The following PHLDB1 variants were observed in gnomAD, a reference collection of about 807,000 sequenced individuals.
The protein encoded by PHLDB1 is pleckstrin homology-like domain family B member 1.
In PHLDB1, 65 loss-of-function variants were observed where a neutral mutation model predicts 139.3. The ratio of observed to expected loss-of-function variants is 0.47; its 90% CI spans 0.38 to 0.57. The LOEUF is 0.57. PHLDB1 is among the 20% of genes least tolerant of loss of function. The pLI is 0.00. For missense variants in PHLDB1, 1,624 were observed against 1,839.7 expected (o/e 0.88, Z 2.14); for synonymous variants, 679 against 734.5 (o/e 0.92, Z 1.22).
rs1201377176 is a variant in PHLDB1, at chr11:118,650,290, C to A, written c.3771+97C>A. 1 of 1,042,602 alleles carries A rather than the reference C, an allele frequency of 9.6e-7. No homozygotes were observed. The highest frequency in any genetic ancestry group is 1.5e-6 in the Non-Finnish European group (1 of 661,976). The allele number at this position is 1,042,602 out of a possible 1,614,324, so 64.6% of individuals were successfully genotyped here. A position where few individuals can be genotyped will look rare whatever the true frequency, so the allele number is the denominator to read the frequency against. Reference sequence around the variant, plus strand: ...GTTGGAATAGTGGCGTCAGTCTCTACCCTCACCTAACCAGATCTCTGTCCC... The same window carrying A: ...GTTGGAATAGTGGCGTCAGTCTCTAACCTCACCTAACCAGATCTCTGTCCC... On this transcript the variant is annotated intron_variant, in intron 19 of 22. Transcript: ENST00000600882. This position sits in a 1 kb window ranked among gnomAD's most constrained non-coding sequence, Gnocchi z 4.7.
In PHLDB1 at chr11:118,632,165, A is replaced by G; in HGVS notation, c.2248A>G (p.Met750Val). 6.2e-7 allele frequency: 1 copy of G among 1,614,022 alleles called. No individual in the cohort carries two copies. The highest frequency in any genetic ancestry group is 8.5e-7 in the Non-Finnish European group (1 of 1,179,928). ...CCCTGGTGTCTGCCCCCAGGCCGAA[A>G]TGGAGCGGGCACTGCTGCAGGGAGA... Reference protein sequence around the residue: ...QLQESAREAEMERALLQGERE... With the variant: ...QLQESAREAEVERALLQGERE... The change falls in exon 9 of 23, where the codon ATG becomes GTG. Residue 750 changes from methionine (M) to valine (V), a missense_variant. Transcript: ENST00000600882. This position sits in a 1 kb window ranked among gnomAD's most constrained non-coding sequence, Gnocchi z 5.9.
Position 118,616,180 on chromosome 11 carries a change from C to T in PHLDB1, c.324C>T (p.Leu108=). The T allele has an allele frequency of 1.2e-6, 2 of 1,614,110 alleles. No homozygotes were observed. The highest frequency in any genetic ancestry group is 1.7e-6 in the Non-Finnish European group (2 of 1,180,002). Residue 108 remains leucine (L), a synonymous_variant, in exon 4 of 23, where the codon CTC becomes CTT. Transcript: ENST00000600882. ...PCGNACTIDG[L]PVRQPTRLTQ... is the part of the protein sequence containing the mutation. ...GCAATGCCTGCACTATTGATGGGCTCCCTGTCCGGCAGCCTACCCGGCTCA... is the reference window on the plus strand; with the variant it reads ...GCAATGCCTGCACTATTGATGGGCTTCCTGTCCGGCAGCCTACCCGGCTCA...
In PHLDB1 at chr11:118,620,678, A is replaced by G. The variant is rs1555093986; in HGVS notation, c.356-4256A>G. ...CGGGCTGGCTCCCAGGGGCCCAGGA[A>G]GTGGGCTGGCCGGAAAGGGCAGTGC... On this transcript the variant is annotated intron_variant, in intron 4 of 22. Coordinates refer to ENST00000600882, the MANE Select transcript of PHLDB1 (RefSeq NM_001144758.3). The surrounding 1 kb of genome is among the most constrained non-coding windows in gnomAD (Gnocchi z 4.1). Among the ~76,000 whole-genome samples, 1 of 152,114 alleles carries G rather than the reference A, an allele frequency of 6.6e-6. No individual in the cohort carries two copies. The highest frequency in any genetic ancestry group is 1.9e-4 in the East Asian group (1 of 5,186).
rs201776369 is a variant in PHLDB1, at chr11:118,628,087, C to A, written c.1264C>A (p.Arg422Ser). The part of the protein sequence containing the change: ...SERVLTTSPS[R>S]QLVGRTFSDG... ...GCGGGTGCTAACAACCAGCCCCTCA[C>A]GCCAACTGGTGGGCCGAACATTTTC... The change falls in exon 6 of 23, where the codon CGC becomes AGC. Residue 422 changes from arginine to serine, a missense_variant. By Grantham distance (110) the Arg-to-Ser change is moderately radical. Coordinates refer to ENST00000600882, the MANE Select transcript of PHLDB1 (RefSeq NM_001144758.3). 6.2e-7 allele frequency: 1 copy of A among 1,613,994 alleles called. No individual in the cohort carries two copies. Among genetic ancestry groups the A allele is most frequent in the Non-Finnish European group, 8.5e-7 (1 of 1,180,004 alleles).
intron 10 of PHLDB1, among the ~76,000 whole-genome samples, chr11:118,638,571 G>A (rs1392525148): frequency 6.6e-6 from 1 of 152,096 alleles, no homozygotes; most frequent in Non-Finnish European, 1.5e-5. Context: ...TGGCAAGTGG[G>A]GTTGGGACAG....
At position 118,611,544 on chromosome 11, in the gene PHLDB1, C is replaced by G. The variant is rs1387380486; in HGVS notation, c.-21-2272C>G. Among the ~76,000 whole-genome samples, 1 of 152,144 alleles carries G rather than the reference C, an allele frequency of 6.6e-6. No individual in the cohort carries two copies. Among genetic ancestry groups the G allele is most frequent in the Non-Finnish European group, 1.5e-5 (1 of 68,030 alleles). On this transcript the variant is annotated intron_variant, in intron 1 of 22. Coordinates refer to ENST00000600882, the MANE Select transcript of PHLDB1 (RefSeq NM_001144758.3). This position sits in a 1 kb window ranked among gnomAD's most constrained non-coding sequence, Gnocchi z 4.7. ...GCCCAGACAGGTGAACTGCCTTGCTCCAGGTCACACAGCTCATAATAATAA... is the reference window on the plus strand; with the variant it reads ...GCCCAGACAGGTGAACTGCCTTGCTGCAGGTCACACAGCTCATAATAATAA...
intron 5 of PHLDB1, among the ~76,000 whole-genome samples, chr11:118,625,724 C>T (rs1943740627): frequency 6.6e-6 from 1 of 152,108 alleles, no homozygotes; most frequent in African/African-American, 2.4e-5. Flanking sequence ...GTCAGGTACA[C>T]CTAGTGGGGT....
chr11:118,619,640 A>G (rs1942358039), intron 4 of PHLDB1, among the ~76,000 whole-genome samples: 2 of 151,978 alleles, frequency 1.3e-5, no homozygotes, highest in African/African-American at 4.8e-5. Context: ...CAGTTTCCAG[A>G]CCGATGAATC....
rs1407140234 is a variant in PHLDB1, at chr11:118,630,026, C to T, written c.1828-1181C>T. 1.0e-5 allele frequency: 13 copies of T among 1,258,776 alleles called. No individual in the cohort carries two copies. In the East Asian group the frequency reaches 2.3e-4, roughly 23 times the overall value. 78.0% of individuals were successfully genotyped at this position (1,258,776 alleles called of 1,614,324 possible). On this transcript the variant is annotated intron_variant, in intron 6 of 22. Coordinates refer to ENST00000600882, the MANE Select transcript of PHLDB1 (RefSeq NM_001144758.3). ...CCTCCCAGGTGCCGAGGCTCTGTTC[C>T]GGTTTTTTTTTTTTTTTTTTGCCAT...
intron 5 of PHLDB1, among the ~76,000 whole-genome samples, chr11:118,625,673 T>G (rs1166382852): frequency 6.6e-6 from 1 of 152,158 alleles, no homozygotes; most frequent in Non-Finnish European, 1.5e-5. Flanking sequence ...GGCATTTAGA[T>G]GGCTATGGGG....
chr11:118,638,942 G>T lies in PHLDB1; in HGVS notation c.2587G>T (p.Val863Leu). 1.2e-6 allele frequency: 2 copies of T among 1,613,608 alleles called. No individual in the cohort carries two copies. Among genetic ancestry groups the T allele is most frequent in the Non-Finnish European group, 1.7e-6 (2 of 1,179,740 alleles). ...SQAGQIRAQA[V>L]QESERLARDK... ...GGCTGGGCAGATCCGGGCTCAGGCC[G>T]TGCAGGAATCAGAACGCCTGGCCCG... is the stretch of plus-strand genomic sequence containing the variant. Residue 863 changes from valine to leucine, a missense_variant, in exon 11 of 23, where the codon GTG becomes TTG. Coordinates refer to ENST00000600882, the MANE Select transcript of PHLDB1 (RefSeq NM_001144758.3).
Position 118,616,216 on chromosome 11 carries a change from G to A in PHLDB1, c.355+5G>A, listed in dbSNP as rs1555089423. 5.0e-6 allele frequency: 8 copies of A among 1,613,394 alleles called. No homozygotes were observed. The highest frequency in any genetic ancestry group is 5.9e-6 in the Non-Finnish European group (7 of 1,179,736). ...AGCCTACCCGGCTCACTCAGGGTAA[G>A]GCTGGACACCTCCAGATGGAGGGGG... On this transcript the variant is annotated splice_donor_5th_base_variant and intron_variant, in intron 4 of 22. Coordinates refer to ENST00000600882, the MANE Select transcript of PHLDB1 (RefSeq NM_001144758.3).
At position 118,650,102 on chromosome 11, in the gene PHLDB1, C is replaced by T; in HGVS notation, c.3680C>T (p.Pro1227Leu). Residue 1227 changes from proline to leucine, a missense_variant, in exon 19 of 23, where the codon CCA becomes CTA. Coordinates refer to ENST00000600882, the MANE Select transcript of PHLDB1 (RefSeq NM_001144758.3). The surrounding 1 kb of genome is among the most constrained non-coding windows in gnomAD (Gnocchi z 4.7). ...GCACGACCCCTGACCCGCTACCTGC[C>T]AATCCGGAAGGAGGACTTTGACCTG... ...SQARPLTRYL[P>L]IRKEDFDLKT... 1.9e-6 allele frequency: 3 copies of T among 1,614,150 alleles called. No individual in the cohort carries two copies. Among genetic ancestry groups the T allele is most frequent in the Non-Finnish European group, 2.5e-6 (3 of 1,179,994 alleles).
intron 3 of PHLDB1, 23 bp downstream of exon 3, chr11:118,614,705 A>G: frequency 1.9e-6 from 3 of 1,604,546 alleles, no homozygotes; most frequent in Non-Finnish European, 2.6e-6. Context: ...AGGGCATCTC[A>G]CTCACCACCC....
In PHLDB1 at chr11:118,630,221, C is replaced by T. The variant is rs567259136; in HGVS notation, c.1828-986C>T. On this transcript the variant is annotated intron_variant, in intron 6 of 22. Coordinates refer to ENST00000600882, the MANE Select transcript of PHLDB1 (RefSeq NM_001144758.3). ...CATGGAAGCCTCACAAACCAGGCTTCAGGCCTATAGGTAGGCCTGCGGGAA... is the reference window on the plus strand; with the variant it reads ...CATGGAAGCCTCACAAACCAGGCTTTAGGCCTATAGGTAGGCCTGCGGGAA... 20 of 451,642 alleles carry T rather than the reference C, an allele frequency of 4.4e-5. No homozygotes were observed. The East Asian group carries it at 1.1e-3, about 24-fold the overall frequency. 28.0% of individuals were successfully genotyped at this position (451,642 alleles called of 1,614,324 possible).
At chr11:118,629,031 C>T (rs1555107445) in intron 6 of PHLDB1, among the ~76,000 whole-genome samples, 1 of 152,258 alleles carries the variant, frequency 6.6e-6, no homozygotes, top group African/African-American at 2.4e-5. Flanking sequence ...TAGGCTGAAG[C>T]TCAGAGAGGG....
At chr11:118,651,318 T>A (rs557486692) in intron 20 of PHLDB1, 1 of 152,138 alleles carries the variant, frequency 6.6e-6, no homozygotes, top group Admixed American at 6.5e-5. Flanking sequence ...GGTGAAACTT[T>A]GTCTCTACTA....
chr11:118,657,214 T>C lies in PHLDB1; in HGVS notation c.*391T>C. 6.1e-6 allele frequency: 1 copy of C among 164,574 alleles called. No homozygotes were observed. The highest frequency in any genetic ancestry group is 1.3e-5 in the Non-Finnish European group (1 of 75,072). The allele number at this position is 164,574 out of a possible 1,614,324, so 10.2% of individuals were successfully genotyped here. On this transcript the variant is annotated 3_prime_UTR_variant, in exon 23 of 23. Coordinates refer to ENST00000600882, the MANE Select transcript of PHLDB1 (RefSeq NM_001144758.3). ...GCCACATCCAGAGTGGGGTAATAGC[T>C]CAGGCGGCCCGCTTCCCATTTCTCA...
In PHLDB1 at chr11:118,650,091, C is replaced by T. The variant is rs782398184; in HGVS notation, c.3669C>T (p.Thr1223=). The part of the protein sequence containing the change: ...EKQFSQARPL[T]RYLPIRKEDF... ...CTTGCTCCCAGGCACGACCCCTGAC[C>T]CGCTACCTGCCAATCCGGAAGGAGG... is the stretch of plus-strand genomic sequence containing the variant. Residue 1223 remains threonine, a synonymous_variant, in exon 19 of 23, where the codon ACC becomes ACT. Transcript: ENST00000600882. The surrounding 1 kb of genome is among the most constrained non-coding windows in gnomAD (Gnocchi z 4.7). 1.2e-6 allele frequency: 2 copies of T among 1,613,934 alleles called. No individual in the cohort carries two copies. The highest frequency in any genetic ancestry group is 2.7e-5 in the African/African-American group (2 of 74,928).
Sources: allele counts gnomAD v4.1 joint callset (sites outside exome capture counted in the v4.1 genomes callset), GRCh38; gene constraint gnomAD v4.1.1; non-coding constraint Gnocchi (gnomAD v3.1); transcripts MANE v1.5; gene names NCBI Gene and HGNC (gene_info 2026-07-23, HGNC 2026-07-21).